The following DCT variants were observed in gnomAD, a reference collection of about 807,000 sequenced individuals.
DCT encodes the protein L-dopachrome tautomerase.
DCT carries 47 observed loss-of-function variants against 53.0 expected under a neutral mutation model. The ratio of observed to expected loss-of-function variants is 0.89; its 90% confidence interval spans 0.70 to 1.13. DCT has a LOEUF of 1.13. Among genes scored for constraint, DCT ranks in the 50% most tolerant of loss-of-function variants. DCT has a pLI of 0.00. For missense variants in DCT, 669 were observed against 637.4 expected, an observed-to-expected ratio of 1.05 and a Z score of -0.53; for synonymous variants, 244 against 237.0, an observed-to-expected ratio of 1.03 and a Z score of -0.27.
At chr13:94,482,295 G>T (rs1034773465), upstream of DCT, among the ~76,000 whole-genome samples, 2 of 151,980 alleles carry the variant, frequency 1.3e-5, no homozygotes, top group African/African-American at 4.8e-5. Flanking sequence ...TTTTTCCCTC[G>T]CCTGCCTCTC....
chr13:94,461,381 T>C (rs1308011459), intron 5 of DCT, among the ~76,000 whole-genome samples: 2 of 152,164 alleles, frequency 1.3e-5, no homozygotes, highest in Non-Finnish European at 2.9e-5. Context: ...TACTTTTTTA[T>C]ATTTTTTTGT....
chr13:94,438,241 C>A lies in DCT; in HGVS notation c.*1657G>T. On this transcript the variant is annotated 3_prime_UTR_variant, in exon 8 of 8. Coordinates refer to ENST00000377028, the MANE Select transcript of DCT (RefSeq NM_001922.5). ...AGTGGAGCATGTGAAAGACACAGTGCTGTATTTTCCATGAATATTGTTAAT... is the reference window on the plus strand; with the variant it reads ...AGTGGAGCATGTGAAAGACACAGTGATGTATTTTCCATGAATATTGTTAAT... The A allele has an allele frequency of 6.2e-6, 1 of 161,068 alleles. No homozygotes were observed. The highest frequency in any genetic ancestry group is 1.4e-5 in the Non-Finnish European group (1 of 73,674). The allele number at this position is 161,068 out of a possible 1,614,324, so 10.0% of individuals were successfully genotyped here. A position where few individuals can be genotyped will look rare whatever the true frequency, so the allele number is the denominator to read the frequency against.
chr13:94,441,089 T>TA (rs1471250343), intron 7 of DCT, among the ~76,000 whole-genome samples: 1 of 152,194 alleles, frequency 6.6e-6, no homozygotes, highest in Non-Finnish European at 1.5e-5. Flanking sequence ...TTCTATACCT[T>TA]ACACTCACCT....
chr13:94,520,630 C>T, the DCT span, among the ~76,000 whole-genome samples: 1 of 152,120 alleles, frequency 6.6e-6, no homozygotes, highest in Non-Finnish European at 1.5e-5. Context: ...ACCTAGCCTG[C>T]CTTCCTTTCT....
At chr13:94,445,041 T>C (rs1351559682) in intron 6 of DCT, among the ~76,000 whole-genome samples, 4 of 152,348 alleles carry the variant, frequency 2.6e-5, no homozygotes, top group Admixed American at 2.6e-4. Context: ...AGAGTCAATA[T>C]TTACTAAGTA....
upstream of DCT, among the ~76,000 whole-genome samples, chr13:94,484,581 C>T (rs569566801): frequency 3.9e-5 from 6 of 152,310 alleles, no homozygotes; most frequent in East Asian, 9.7e-4. Context: ...GCTGAAAGTT[C>T]ATGAGCAAGG....
intron 1 of DCT, among the ~76,000 whole-genome samples, chr13:94,469,652 C>G (rs1306436085): frequency 6.6e-6 from 1 of 152,216 alleles, no homozygotes; most frequent in Non-Finnish European, 1.5e-5. Context: ...CATGCACACA[C>G]TCCTTCCTCC....
the DCT span, among the ~76,000 whole-genome samples, chr13:94,547,416 C>G: frequency 6.6e-6 from 1 of 151,980 alleles, no homozygotes; most frequent in Non-Finnish European, 1.5e-5. Context: ...CGTGCCTGAC[C>G]CTGCTCTAAA....
chr13:94,443,714 A>G, intron 6 of DCT, 77 bp from the exon 7 acceptor site: 1 of 1,165,740 alleles, frequency 8.6e-7, no homozygotes, highest in Non-Finnish European at 1.2e-6. Context: ...TGCTTTCTCT[A>G]AAGTGGAATA....
At chr13:94,462,278 C>T in intron 4 of DCT, 89 bp from the exon 5 acceptor site, 4 of 985,580 alleles carry the variant, frequency 4.1e-6, no homozygotes, top group Non-Finnish European at 6.3e-6. Flanking sequence ...GAGGTTGAGG[C>T]AGGTGGATCC....
the DCT span, among the ~76,000 whole-genome samples, chr13:94,503,313 G>C: frequency 6.6e-6 from 1 of 151,790 alleles, no homozygotes; most frequent in East Asian, 2.0e-4. Flanking sequence ...CTGGGAGGTC[G>C]AGGCTGCAGT....
the DCT span, among the ~76,000 whole-genome samples, chr13:94,518,152 AGG>A: frequency 0.014 from 1,934 of 143,214 alleles, 49 homozygotes; most frequent in Admixed American, 0.042. Flanking sequence ...GAAGGAAGGA[AGG>A]AATGAAGGAA....
the DCT span, among the ~76,000 whole-genome samples, chr13:94,514,951 T>C: frequency 6.6e-6 from 1 of 152,162 alleles, no homozygotes; most frequent in Non-Finnish European, 1.5e-5. Context: ...TAAACCCCAA[T>C]GTGATGGTAT....
chr13:94,438,764 C>T lies in DCT; in HGVS notation c.*1134G>A. 1 of 405,826 alleles carries T rather than the reference C, an allele frequency of 2.5e-6. No individual in the cohort carries two copies. 25.1% of individuals were successfully genotyped at this position (405,826 alleles called of 1,614,324 possible). A position where few individuals can be genotyped will look rare whatever the true frequency, so the allele number is the denominator to read the frequency against. The stretch of plus-strand genomic sequence containing the variant: ...TGATGATTGCATAGCAGAATATAAC[C>T]ACTTAATTCTGAATTGTCATGTTTT... On this transcript the variant is annotated 3_prime_UTR_variant, in exon 8 of 8. Transcript: ENST00000377028.
At chr13:94,505,439 C>T in the DCT span, among the ~76,000 whole-genome samples, 1 of 152,126 alleles carries the variant, frequency 6.6e-6, no homozygotes, top group South Asian at 2.1e-4. Flanking sequence ...CAGTCATTAT[C>T]TTATTTAATG....
At chr13:94,490,948 C>T in the DCT span, among the ~76,000 whole-genome samples, 2 of 152,098 alleles carry the variant, frequency 1.3e-5, no homozygotes, top group Non-Finnish European at 2.9e-5. Context: ...AAATGGATTT[C>T]ACCTTGAGCA....
chr13:94,468,959 G>A lies in DCT; in HGVS notation c.382C>T (p.Gln128Ter). The A allele has an allele frequency of 6.2e-7, 1 of 1,614,134 alleles. No homozygotes were observed. The highest frequency in any genetic ancestry group is 1.1e-5 in the South Asian group (1 of 91,076). ...TGAGGACTCAAGGAATGGATGTTCTGCCGAATCACTGGTGGTTTCTTCCGC... is the reference window on the plus strand; with the variant it reads ...TGAGGACTCAAGGAATGGATGTTCTACCGAATCACTGGTGGTTTCTTCCGC... ...CERKKPPVIR[Q>*]NIHSLSPQER... The change falls in exon 2 of 8, where the codon CAG becomes TAG. Residue 128 changes from glutamine (Q) to a stop codon, truncating the protein, a stop_gained. Coordinates refer to ENST00000377028, the MANE Select transcript of DCT (RefSeq NM_001922.5). LOFTEE classifies it high-confidence loss of function.
intron 1 of DCT, among the ~76,000 whole-genome samples, chr13:94,473,021 C>G (rs1277519178): frequency 1.3e-5 from 2 of 152,148 alleles, no homozygotes; most frequent in African/African-American, 4.8e-5. Flanking sequence ...TTTTCCCCCT[C>G]TCTGTATCTG....
At chr13:94,480,502 T>C (rs1223005080), upstream of DCT, among the ~76,000 whole-genome samples, 1 of 152,234 alleles carries the variant, frequency 6.6e-6, no homozygotes, top group East Asian at 1.9e-4. Context: ...CGGCTTCAGC[T>C]AGTTTCTAAG....
Sources: allele counts gnomAD v4.1 joint callset (sites outside exome capture counted in the v4.1 genomes callset), GRCh38; gene constraint gnomAD v4.1.1; transcripts MANE v1.5; gene names NCBI Gene and HGNC (gene_info 2026-07-23, HGNC 2026-07-21).